The following NMNAT2 variants were observed in gnomAD, a reference collection of about 807,000 sequenced individuals.
NMNAT2 encodes the protein nicotinamide nucleotide adenylyltransferase 2, also known as nicotinamide/nicotinic acid mononucleotide adenylyltransferase 2.
A neutral mutation model predicts 41.6 loss-of-function variants in NMNAT2; 11 were observed. The observed-to-expected ratio is 0.26, with a 90% CI of 0.17 to 0.44. The LOEUF is 0.44. NMNAT2 is among the 20% of genes least tolerant of loss of function. The pLI is 1.00. For missense variants in NMNAT2, 288 were observed against 407.7 expected, an observed-to-expected ratio of 0.71 and a Z score of 2.53; for synonymous variants, 148 against 151.2, an observed-to-expected ratio of 0.98 and a Z score of 0.16.
intron 7 of NMNAT2, among the ~76,000 whole-genome samples, chr1:183,280,877 C>T (rs1020571558): frequency 7.2e-6 from 1 of 138,878 alleles, no homozygotes; most frequent in Admixed American, 7.9e-5. Context: ...CCTCCGCCTC[C>T]TGGGTTCAAG....
chr1:183,418,368 T>G lies in NMNAT2; in HGVS notation c.-101A>C. ...AGGAAGGCGAGGCTCCGGCGGTGGA[T>G]GCTGTGGACTCCAAGGAGCCGCTCC... On this transcript the variant is annotated 5_prime_UTR_variant, in exon 1 of 11. Transcript: ENST00000287713. 1 of 1,145,872 alleles carries G rather than the reference T, an allele frequency of 8.7e-7. No homozygotes were observed. Among genetic ancestry groups the G allele is most frequent in the Non-Finnish European group, 1.3e-6 (1 of 764,614 alleles). The allele number at this position is 1,145,872 out of a possible 1,614,324, so 71.0% of individuals were successfully genotyped here.
chr1:183,348,577 G>T (rs954986801), intron 1 of NMNAT2, among the ~76,000 whole-genome samples: 5 of 152,158 alleles, frequency 3.3e-5, no homozygotes, highest in African/African-American at 1.2e-4. Flanking sequence ...AAACATTTTT[G>T]CATAATACAT....
chr1:183,253,182 A>G (rs1660435481), intron 10 of NMNAT2, among the ~76,000 whole-genome samples: 1 of 150,070 alleles, frequency 6.7e-6, no homozygotes, highest in African/African-American at 2.4e-5. Context: ...ATGTTGTAAG[A>G]TACACATATA....
At chr1:183,372,156 G>A (rs563790085) in intron 1 of NMNAT2, among the ~76,000 whole-genome samples, 9 of 152,234 alleles carry the variant, frequency 5.9e-5, no homozygotes, top group African/African-American at 2.2e-4. Context: ...GGAAAACAGG[G>A]GGCTGCTTCA....
intron 1 of NMNAT2, among the ~76,000 whole-genome samples, chr1:183,393,597 C>A (rs928365927): frequency 2.6e-5 from 4 of 152,104 alleles, no homozygotes; most frequent in Non-Finnish European, 4.4e-5. Flanking sequence ...ACTCTGTCAC[C>A]CTGGCTGGAG....
chr1:183,321,207 C>T (rs986135765), intron 1 of NMNAT2, among the ~76,000 whole-genome samples: 2 of 152,282 alleles, frequency 1.3e-5, no homozygotes, highest in South Asian at 4.2e-4. Flanking sequence ...ATTTCATAAA[C>T]GTCTTTCCCC....
At chr1:183,361,471 T>C (rs1385332571) in intron 1 of NMNAT2, among the ~76,000 whole-genome samples, 4 of 152,200 alleles carry the variant, frequency 2.6e-5, no homozygotes, top group Non-Finnish European at 5.9e-5. Context: ...AAAAGACTAA[T>C]ACTGCATGAG....
chr1:183,304,944 A>G, intron 1 of NMNAT2: 1 of 1,272,800 alleles, frequency 7.9e-7, no homozygotes, highest in Non-Finnish European at 1.0e-6. Context: ...CTGCCAGACC[A>G]TGCTGAGAGA....
At chr1:183,253,904 C>CGTGTGTGTGTGTGT (rs139756017) in intron 10 of NMNAT2, among the ~76,000 whole-genome samples, 13 of 144,268 alleles carry the variant, frequency 9.0e-5, no homozygotes, top group Non-Finnish European at 1.8e-4. Flanking sequence ...GTTCCACTTC[C>CGTGTGTGTGTGTGT]GTGTGTGTGT....
intron 10 of NMNAT2, 69 bp downstream of exon 10, chr1:183,260,933 G>A (rs574677294): frequency 1.6e-6 from 2 of 1,259,110 alleles, no homozygotes; most frequent in Non-Finnish European, 1.2e-6. Context: ...CATCTTTGAT[G>A]GAGGAAATTT....
At chr1:183,254,820 C>T (rs1029320854) in intron 10 of NMNAT2, among the ~76,000 whole-genome samples, 21 of 152,054 alleles carry the variant, frequency 1.4e-4, no homozygotes, top group African/African-American at 4.4e-4. Flanking sequence ...GATATTAATC[C>T]CTATCTGATA....
chr1:183,345,603 C>A (rs865963804), intron 1 of NMNAT2, among the ~76,000 whole-genome samples: 7 of 152,262 alleles, frequency 4.6e-5, no homozygotes, highest in South Asian at 2.1e-4. Context: ...TCACAGAGGC[C>A]CCCCAGCAGG....
intron 1 of NMNAT2, among the ~76,000 whole-genome samples, chr1:183,384,264 G>A (rs192872063): frequency 6.6e-6 from 1 of 152,222 alleles, no homozygotes; most frequent in African/African-American, 2.4e-5. Flanking sequence ...GCAGTGGCAC[G>A]ATCTCAGCTC....
Position 183,278,571 on chromosome 1 carries a change from C to T in NMNAT2, c.633G>A (p.Gly211=), listed in dbSNP as rs771382554. ...SDLLESFCIP[G]LWNEADMEVI... is the part of the protein sequence containing the mutation. ...TACTCACATCTGCCTCGTTCCAGAG[C>T]CCTGGGATGCAGAAGGACTCCAGCA... The change falls in exon 8 of 11, where the codon GGG becomes GGA. Residue 211 remains glycine (G), a synonymous_variant. Coordinates refer to ENST00000287713, the MANE Select transcript of NMNAT2 (RefSeq NM_015039.4). The T allele has an allele frequency of 6.2e-7, 1 of 1,613,090 alleles. No individual in the cohort carries two copies. The highest frequency in any genetic ancestry group is 2.2e-5 in the East Asian group (1 of 44,890).
chr1:183,329,222 A>C (rs1319721788), intron 1 of NMNAT2, among the ~76,000 whole-genome samples: 1 of 152,138 alleles, frequency 6.6e-6, no homozygotes, highest in Non-Finnish European at 1.5e-5. Flanking sequence ...AATTCAAACA[A>C]ATATCCATTT....
chr1:183,347,945 G>A (rs1422979858), intron 1 of NMNAT2, among the ~76,000 whole-genome samples: 1 of 152,036 alleles, frequency 6.6e-6, no homozygotes, highest in Non-Finnish European at 1.5e-5. Flanking sequence ...TGGGAGGGTT[G>A]AACAAATGGG....
intron 8 of NMNAT2, among the ~76,000 whole-genome samples, chr1:183,269,301 C>T (rs1367392132): frequency 6.6e-6 from 1 of 152,190 alleles, no homozygotes; most frequent in Non-Finnish European, 1.5e-5. Flanking sequence ...GAAAAGTAGA[C>T]AAGTACCAGG....
chr1:183,378,862 G>C (rs192475507), intron 1 of NMNAT2, among the ~76,000 whole-genome samples: 8 of 152,136 alleles, frequency 5.3e-5, no homozygotes, highest in Admixed American at 5.2e-4. Context: ...GGCCAACATA[G>C]TGAAACTCCA....
intron 10 of NMNAT2, among the ~76,000 whole-genome samples, 175 bp downstream of exon 10, chr1:183,260,819 CAAAAAAAA>C (rs35660466): frequency 2.7e-5 from 2 of 74,994 alleles, no homozygotes; most frequent in South Asian, 4.8e-4. Context: ...GACGCTGTCT[CAAAAAAAA>C]AAAAAAAAAA....
Sources: gnomAD v4.1 joint callset for allele counts (sites outside exome capture counted in the v4.1 genomes callset) on GRCh38, gnomAD v4.1.1 for gene constraint, MANE v1.5 for transcripts, NCBI Gene and HGNC (gene_info 2026-07-23, HGNC 2026-07-21) for gene names.